The following STPG2 variants were observed in gnomAD, a reference collection of about 807,000 sequenced individuals.
STPG2 encodes sperm-tail PG-rich repeat-containing protein 2.
Under a neutral mutation model 54.2 loss-of-function variants are expected in STPG2, and 56 were observed. The ratio of observed to expected loss-of-function variants is 1.03; its 90% CI spans 0.83 to 1.29. The LOEUF is 1.29. Ranked by LOEUF, STPG2 falls within the 50% of genes most tolerant of loss-of-function variation. The probability of loss-of-function intolerance (pLI) is 0.00; values close to 1 mark genes in which losing one functional copy is unlikely to be tolerated. For missense variants in STPG2, 596 were observed against 544.9 expected, an observed-to-expected ratio of 1.09 and a Z score of -0.93; for synonymous variants, 200 against 181.8, an observed-to-expected ratio of 1.10 and a Z score of -0.81.
chr4:97,444,720 G>T (rs1053192137), intron 4 of STPG2, among the ~76,000 whole-genome samples: 1 of 152,072 alleles, frequency 6.6e-6, no homozygotes, highest in Non-Finnish European at 1.5e-5. Context: ...AAATATGTGG[G>T]TAAATCAAAA....
intron 8 of STPG2, among the ~76,000 whole-genome samples, chr4:97,924,827 C>G (rs919104750): frequency 6.6e-6 from 1 of 152,102 alleles, no homozygotes; most frequent in South Asian, 2.1e-4. Context: ...AAAGTCCTGG[C>G]TAATCATCTC....
intron 9 of STPG2, among the ~76,000 whole-genome samples, chr4:97,787,382 CTCATCGGTTTTTATTTTCTT>C: frequency 6.6e-6 from 1 of 152,094 alleles, no homozygotes; most frequent in East Asian, 1.9e-4. Context: ...CGCCCCTATG[CTCATCGGTTTTTATTTTCTT>C]TTACTCCATT....
intron 9 of STPG2, among the ~76,000 whole-genome samples, chr4:97,805,267 C>T (rs930933819): frequency 2.6e-5 from 4 of 152,058 alleles, no homozygotes; most frequent in South Asian, 4.2e-4. Context: ...AGTGCAGTGG[C>T]GCGATCTCCC....
chr4:97,702,678 G>A, intron 10 of STPG2, among the ~76,000 whole-genome samples: 1 of 152,168 alleles, frequency 6.6e-6, no homozygotes, highest in Non-Finnish European at 1.5e-5. Context: ...ACTGGGGATG[G>A]TGAAGCTGTT....
rs371569642 is a variant in STPG2, at chr4:97,778,683, G to C, written c.1204+62090C>G. Among the ~76,000 whole-genome samples, 16 of 152,288 alleles carry C rather than the reference G, an allele frequency of 1.1e-4. 1 individual carries two copies. The highest frequency in any genetic ancestry group is 3.8e-4 in the African/African-American group (16 of 41,576). ...GTAGCCTATCTGGGAGGCACCCCCA[G>C]TAGGCGCAGACTGACACCTCACACG... On this transcript the variant is annotated intron_variant, in intron 9 of 10. Coordinates refer to ENST00000295268, the MANE Select transcript of STPG2 (RefSeq NM_174952.3).
intron 5 of STPG2, among the ~76,000 whole-genome samples, chr4:98,026,787 TTCTC>T (rs1223033994): frequency 2.0e-5 from 3 of 151,934 alleles, no homozygotes; most frequent in Non-Finnish European, 4.4e-5. Context: ...TTTCTTGCCC[TTCTC>T]TCTCTCTCTT....
chr4:98,011,449 G>A (rs1246261474), intron 5 of STPG2, among the ~76,000 whole-genome samples: 1 of 152,138 alleles, frequency 6.6e-6, no homozygotes, highest in Non-Finnish European at 1.5e-5. Context: ...ATAATAGGAT[G>A]ATTTATATGC....
At chr4:97,867,454 C>T (rs1184226126) in intron 8 of STPG2, among the ~76,000 whole-genome samples, 2 of 151,930 alleles carry the variant, frequency 1.3e-5, no homozygotes, top group Non-Finnish European at 2.9e-5. Flanking sequence ...TCTGTAAATT[C>T]TCATTTTTTT....
intron 10 of STPG2, among the ~76,000 whole-genome samples, chr4:97,586,694 A>G (rs1733009936): frequency 6.6e-6 from 1 of 151,948 alleles, no homozygotes. Context: ...TGAAAGGAAA[A>G]CACCATCAAC....
chr4:97,494,455 T>C (rs1026734679), intron 4 of STPG2, among the ~76,000 whole-genome samples: 1 of 151,554 alleles, frequency 6.6e-6, no homozygotes, highest in African/African-American at 2.4e-5. Flanking sequence ...GAACCTGTGA[T>C]GTTTATGTGC....
chr4:97,739,512 T>TA (rs1238676856), intron 9 of STPG2, among the ~76,000 whole-genome samples: 6 of 151,780 alleles, frequency 4.0e-5, no homozygotes, highest in Non-Finnish European at 8.8e-5. Flanking sequence ...ATAGACGCAA[T>TA]AAAAAACGAT....
intron 6 of STPG2, among the ~76,000 whole-genome samples, chr4:97,978,505 A>G (rs1387801395): frequency 6.6e-6 from 1 of 152,110 alleles, no homozygotes; most frequent in East Asian, 1.9e-4. Flanking sequence ...AATGGGGCCT[A>G]CCAGTGGTGG....
intron 9 of STPG2, among the ~76,000 whole-genome samples, chr4:97,836,552 C>G (rs1279696508): frequency 4.6e-5 from 7 of 151,726 alleles, no homozygotes; most frequent in Admixed American, 1.3e-4. Flanking sequence ...GGTATGTAAC[C>G]AAACCAAGCC....
At chr4:97,963,160 A>AAAAC (rs36002563) in intron 7 of STPG2, among the ~76,000 whole-genome samples, 53,227 of 150,208 alleles carry the variant, frequency 0.35, 9,574 homozygotes, top group Middle Eastern at 0.44. Flanking sequence ...CTCCATCTCA[A>AAAAC]AAACAAACAA....
At chr4:98,056,931 G>GC (rs1737503279) in intron 5 of STPG2, among the ~76,000 whole-genome samples, 1 of 126,386 alleles carries the variant, frequency 7.9e-6, no homozygotes, top group South Asian at 2.6e-4. Context: ...AGTTTCCGGA[G>GC]GCCCCCCCAA....
At chr4:97,500,650 T>A (rs1379659316) in intron 4 of STPG2, among the ~76,000 whole-genome samples, 1 of 152,006 alleles carries the variant, frequency 6.6e-6, no homozygotes, top group African/African-American at 2.4e-5. Flanking sequence ...GGCTGGTCAG[T>A]GAGACAGGAT....
At chr4:97,838,478 A>G (rs1185989009) in intron 9 of STPG2, among the ~76,000 whole-genome samples, 2 of 151,080 alleles carry the variant, frequency 1.3e-5, no homozygotes, top group African/African-American at 4.8e-5. Context: ...CAATATTAAT[A>G]TGTATATATT....
intron 8 of STPG2, among the ~76,000 whole-genome samples, chr4:97,889,761 G>T (rs1044149318): frequency 6.6e-6 from 1 of 152,034 alleles, no homozygotes; most frequent in African/African-American, 2.4e-5. Context: ...AAGATCTATT[G>T]TATAACATGG....
intron 5 of STPG2, chr4:98,026,371 C>T (rs1489238082): frequency 1.6e-5 from 7 of 435,374 alleles, no homozygotes; most frequent in East Asian, 4.6e-5. Flanking sequence ...TCCTCTGCCT[C>T]GACATTTATC....
Sources: allele counts gnomAD v4.1 joint callset (sites outside exome capture counted in the v4.1 genomes callset), GRCh38; gene constraint gnomAD v4.1.1; transcripts MANE v1.5; gene names NCBI Gene and HGNC (gene_info 2026-07-23, HGNC 2026-07-21).